The following SGMS1 variants were observed in gnomAD, a reference collection of about 807,000 sequenced individuals.
SGMS1 encodes phosphatidylcholine:ceramide cholinephosphotransferase 1.
Under a neutral mutation model 46.2 loss-of-function variants are expected in SGMS1, and 13 were observed. The observed-to-expected ratio is 0.28, with a 90% CI of 0.18 to 0.45. The LOEUF is 0.45. SGMS1 is among the 20% of genes least tolerant of loss of function. SGMS1 has a pLI of 1.00. For missense variants in SGMS1, 324 were observed against 519.9 expected (o/e 0.62, Z 3.66); for synonymous variants, 203 against 187.8 (o/e 1.08, Z -0.66).
intron 6 of SGMS1, among the ~76,000 whole-genome samples, chr10:50,370,608 G>A (rs1196226627): frequency 6.6e-6 from 1 of 151,650 alleles, no homozygotes; most frequent in African/African-American, 2.4e-5. Flanking sequence ...GGGTGTGGTG[G>A]TGCATGCCTG....
chr10:50,354,797 T>G (rs1344200432), intron 6 of SGMS1, among the ~76,000 whole-genome samples: 1 of 152,166 alleles, frequency 6.6e-6, no homozygotes, highest in Admixed American at 6.5e-5. Context: ...GAACAGACAC[T>G]TCTCAAAAGA....
intron 1 of SGMS1, among the ~76,000 whole-genome samples, chr10:50,609,521 G>GT (rs370846975): frequency 0.22 from 25,191 of 116,876 alleles, 3,254 homozygotes; most frequent in African/African-American, 0.34. Flanking sequence ...CTTCTCAATA[G>GT]TTTTTTTTTT....
chr10:50,609,521 GTTTTT>G (rs370846975), intron 1 of SGMS1, among the ~76,000 whole-genome samples: 3 of 117,046 alleles, frequency 2.6e-5, no homozygotes, highest in Non-Finnish European at 3.4e-5. Flanking sequence ...CTTCTCAATA[GTTTTT>G]TTTTTTTTTT....
intron 1 of SGMS1, among the ~76,000 whole-genome samples, chr10:50,611,469 CT>C (rs1490737042): frequency 6.6e-6 from 1 of 152,222 alleles, no homozygotes; most frequent in Non-Finnish European, 1.5e-5. Context: ...CCCCTGGGTC[CT>C]TGCCTTCCCA....
chr10:50,511,533 C>A (rs1398568254), intron 3 of SGMS1, among the ~76,000 whole-genome samples: 2 of 152,192 alleles, frequency 1.3e-5, no homozygotes, highest in Non-Finnish European at 2.9e-5. Context: ...TTCTTAACTT[C>A]TCCTTAAGTC....
At chr10:50,412,411 G>A (rs774964550) in intron 6 of SGMS1, among the ~76,000 whole-genome samples, 18 of 152,068 alleles carry the variant, frequency 1.2e-4, no homozygotes, top group Non-Finnish European at 2.1e-4. Flanking sequence ...GACAACAGAC[G>A]GATTGTGAAT....
At chr10:50,314,388 C>A (rs554222666) in intron 8 of SGMS1, among the ~76,000 whole-genome samples, 1 of 152,084 alleles carries the variant, frequency 6.6e-6, no homozygotes, top group Non-Finnish European at 1.5e-5. Context: ...CACAGCTCTT[C>A]GAATGATTTG....
intron 7 of SGMS1, among the ~76,000 whole-genome samples, chr10:50,337,191 C>T (rs1847729847): frequency 6.6e-6 from 1 of 152,188 alleles, no homozygotes; most frequent in Admixed American, 6.5e-5. Flanking sequence ...TTTTCAAAAA[C>T]TGAGATGTCA....
At chr10:50,557,685 CAAAAA>C (rs5784835) in intron 2 of SGMS1, among the ~76,000 whole-genome samples, 2 of 114,888 alleles carry the variant, frequency 1.7e-5, no homozygotes, top group Admixed American at 9.1e-5. Flanking sequence ...ACTCTAACAG[CAAAAA>C]AAAAAAAAAA....
chr10:50,458,918 T>A (rs1285009599), intron 5 of SGMS1, among the ~76,000 whole-genome samples: 2 of 152,206 alleles, frequency 1.3e-5, no homozygotes, highest in Non-Finnish European at 2.9e-5. Flanking sequence ...TTAAAACCTA[T>A]ATCCTTCTAT....
chr10:50,331,463 T>TA (rs1256684730), intron 7 of SGMS1, among the ~76,000 whole-genome samples: 13 of 152,258 alleles, frequency 8.5e-5, no homozygotes, highest in African/African-American at 3.1e-4. Flanking sequence ...ACTATATTAG[T>TA]AAAGTACTGA....
chr10:50,531,724 C>T (rs1202138445), intron 2 of SGMS1, among the ~76,000 whole-genome samples: 1 of 152,202 alleles, frequency 6.6e-6, no homozygotes, highest in Non-Finnish European at 1.5e-5. Flanking sequence ...CCCACCTTCC[C>T]TACCTGCCCA....
intron 6 of SGMS1, among the ~76,000 whole-genome samples, chr10:50,383,212 C>T (rs570435528): frequency 2.6e-5 from 4 of 152,252 alleles, no homozygotes; most frequent in Admixed American, 2.6e-4. Flanking sequence ...CTTTGTACTA[C>T]ATTTCTAATG....
intron 5 of SGMS1, among the ~76,000 whole-genome samples, chr10:50,459,205 G>A (rs1460990711): frequency 2.0e-5 from 3 of 152,204 alleles, no homozygotes; most frequent in Non-Finnish European, 4.4e-5. Flanking sequence ...CAGAGCCTAT[G>A]TGAGAAAGAG....
At chr10:50,313,801 A>T (rs1847296250) in intron 8 of SGMS1, among the ~76,000 whole-genome samples, 4 of 152,216 alleles carry the variant, frequency 2.6e-5, no homozygotes, top group Non-Finnish European at 5.9e-5. Context: ...TTTGGGCAGA[A>T]AGGAGAAATT....
intron 5 of SGMS1, among the ~76,000 whole-genome samples, chr10:50,457,020 T>A (rs889798062): frequency 1.3e-5 from 2 of 152,220 alleles, no homozygotes; most frequent in African/African-American, 2.4e-5. Flanking sequence ...GATATCATTA[T>A]GAAAACTAGT....
At chr10:50,415,897 G>C (rs1849162863) in intron 6 of SGMS1, among the ~76,000 whole-genome samples, 1 of 152,164 alleles carries the variant, frequency 6.6e-6, no homozygotes, top group East Asian at 1.9e-4. Context: ...GATTCAACTA[G>C]AGAAAGCCTG....
intron 3 of SGMS1, among the ~76,000 whole-genome samples, chr10:50,479,711 C>T (rs1046574063): frequency 6.6e-6 from 1 of 151,962 alleles, no homozygotes; most frequent in Admixed American, 6.6e-5. Flanking sequence ...CATTTTGAAA[C>T]ATTTCTTACT....
chr10:50,495,601 C>T (rs540962808), intron 3 of SGMS1, among the ~76,000 whole-genome samples: 53 of 151,998 alleles, frequency 3.5e-4, no homozygotes, highest in African/African-American at 1.3e-3. Context: ...TGTAAAATAA[C>T]GAATATAAGG....
Sources: allele counts gnomAD v4.1 joint callset (sites outside exome capture counted in the v4.1 genomes callset), GRCh38; gene constraint gnomAD v4.1.1; transcripts MANE v1.5; gene names NCBI Gene and HGNC (gene_info 2026-07-23, HGNC 2026-07-21).